ANXA4: variants seen among roughly 807,000 people sequenced by gnomAD.
The protein encoded by ANXA4 is annexin A4, also known as 35-beta calcimedin.
In ANXA4, 39 loss-of-function variants were observed where a neutral mutation model predicts 49.8. That is an observed-to-expected ratio of 0.78 (90% confidence interval 0.61 to 1.02). The LOEUF is 1.02. Ranked by LOEUF, ANXA4 falls within the 50% of genes least tolerant of loss-of-function variation. The pLI, the probability that ANXA4 is intolerant of heterozygous loss-of-function variation, is 0.00. For missense variants in ANXA4, 360 were observed against 410.1 expected (o/e 0.88, Z 1.05); for synonymous variants, 134 against 152.5 (o/e 0.88, Z 0.89).
chr2:69,686,010 G>T (rs371171550), intron 2 of ANXA4, among the ~76,000 whole-genome samples: 2 of 152,136 alleles, frequency 1.3e-5, no homozygotes, highest in Non-Finnish European at 2.9e-5. Context: ...AGATGCAGTA[G>T]ATGTGATTAA....
intron 4 of ANXA4, among the ~76,000 whole-genome samples, chr2:69,805,535 G>A (rs146286119): frequency 1.3e-5 from 2 of 151,860 alleles, no homozygotes; most frequent in African/African-American, 2.4e-5. Flanking sequence ...GAATCCAGGA[G>A]GCGGAGTCTG....
chr2:69,814,036 G>C (rs1290190468), intron 8 of ANXA4, among the ~76,000 whole-genome samples: 1 of 152,042 alleles, frequency 6.6e-6, no homozygotes, highest in Non-Finnish European at 1.5e-5. Context: ...GGGATTACAG[G>C]CATGAGCCAC....
intron 4 of ANXA4, among the ~76,000 whole-genome samples, chr2:69,805,529 C>T (rs1673411947): frequency 6.6e-6 from 1 of 151,758 alleles, no homozygotes; most frequent in Non-Finnish European, 1.5e-5. Context: ...TCGCTTGAAT[C>T]CAGGAGGCGG....
chr2:69,721,211 G>T (rs939865704), intron 3 of ANXA4, among the ~76,000 whole-genome samples: 1 of 152,216 alleles, frequency 6.6e-6, no homozygotes, highest in Non-Finnish European at 1.5e-5. Flanking sequence ...AAAGCCAGCT[G>T]CTGTTTTTCA....
chr2:69,810,705 T>G (rs1365506881), intron 7 of ANXA4, 32 bp downstream of exon 7: 1 of 1,570,352 alleles, frequency 6.4e-7, no homozygotes, highest in Non-Finnish European at 8.8e-7. Context: ...GGGGCGGGTT[T>G]TATCGAAATG....
chr2:69,809,261 T>G (rs1341765999), intron 6 of ANXA4: 3 of 152,146 alleles, frequency 2.0e-5, no homozygotes, highest in Non-Finnish European at 2.9e-5. Flanking sequence ...GTGTTACCTT[T>G]ATAGAAAGAA....
At chr2:69,745,287 G>A (rs765121792) in intron 1 of ANXA4, among the ~76,000 whole-genome samples, 6 of 152,230 alleles carry the variant, frequency 3.9e-5, no homozygotes, top group Middle Eastern at 6.8e-3. Flanking sequence ...TAGGCTGGGT[G>A]GCCTTGATGT....
At chr2:69,644,468 C>G (rs1158711675) in exon 1 of ANXA4, 1 of 152,232 alleles carries the variant, frequency 6.6e-6, no homozygotes, top group Non-Finnish European at 1.5e-5. Context: ...TCAAAAGCTG[C>G]TTTTGCGTCT....
chr2:69,803,962 A>T (rs1028395908), intron 3 of ANXA4, among the ~76,000 whole-genome samples: 7 of 151,906 alleles, frequency 4.6e-5, no homozygotes, highest in African/African-American at 1.7e-4. Context: ...ACATAGTGAA[A>T]CCCTGTCTCT....
intron 2 of ANXA4, among the ~76,000 whole-genome samples, chr2:69,673,396 C>T (rs1184074729): frequency 6.7e-6 from 1 of 150,042 alleles, no homozygotes; most frequent in Non-Finnish European, 1.5e-5. Flanking sequence ...AGCAAACTAA[C>T]ATGAGAACAG....
intron 3 of ANXA4, among the ~76,000 whole-genome samples, chr2:69,732,482 G>A (rs989521913): frequency 6.6e-6 from 1 of 151,754 alleles, no homozygotes; most frequent in African/African-American, 2.4e-5. Flanking sequence ...GTGTTGGCTG[G>A]GCGTGGTGGC....
intron 2 of ANXA4, among the ~76,000 whole-genome samples, chr2:69,708,335 A>G (rs1678564996): frequency 6.6e-6 from 1 of 152,206 alleles, no homozygotes; most frequent in African/African-American, 2.4e-5. Context: ...CTCTCTACGG[A>G]CACGACTAGC....
At chr2:69,819,120 A>G (rs566579510) in intron 10 of ANXA4, among the ~76,000 whole-genome samples, 160 bp from the exon 11 acceptor site, 1 of 152,380 alleles carries the variant, frequency 6.6e-6, no homozygotes, top group African/African-American at 2.4e-5. Context: ...GTGAAAATAC[A>G]TAGAGCATCG....
At chr2:69,706,292 C>CT (rs916740716) in intron 2 of ANXA4, among the ~76,000 whole-genome samples, 2,773 of 59,330 alleles carry the variant, frequency 0.047, 974 homozygotes, top group African/African-American at 0.074. Context: ...GGTACAATTC[C>CT]TTTTTTTTTT....
At chr2:69,674,814 G>A (rs1007585935) in intron 2 of ANXA4, among the ~76,000 whole-genome samples, 1 of 151,016 alleles carries the variant, frequency 6.6e-6, no homozygotes, top group South Asian at 2.1e-4. Context: ...CCTATTCTCT[G>A]TCATCCTCTT....
chr2:69,788,877 A>G (rs1216954658), intron 3 of ANXA4, among the ~76,000 whole-genome samples: 12 of 139,504 alleles, frequency 8.6e-5, no homozygotes, highest in African/African-American at 2.8e-4. Flanking sequence ...GAAGGGAAGA[A>G]GGAAGGAAAG....
intron 1 of ANXA4, among the ~76,000 whole-genome samples, chr2:69,746,286 A>G (rs1168454582): frequency 3.9e-5 from 6 of 152,306 alleles, no homozygotes; most frequent in African/African-American, 1.4e-4. Context: ...CTGGGATTAC[A>G]GATGTGAGCC....
At chr2:69,778,325 CA>C (rs1280846318) in intron 1 of ANXA4, among the ~76,000 whole-genome samples, 1 of 152,146 alleles carries the variant, frequency 6.6e-6, no homozygotes, top group Non-Finnish European at 1.5e-5. Flanking sequence ...TTAAAATTGT[CA>C]AAGGGTTTTA....
intron 2 of ANXA4, among the ~76,000 whole-genome samples, chr2:69,684,825 C>T (rs1677729094): frequency 6.6e-6 from 1 of 151,940 alleles, no homozygotes; most frequent in Non-Finnish European, 1.5e-5. Flanking sequence ...GACATTTTTT[C>T]TCCACATGTT....
Sources: allele counts gnomAD v4.1 joint callset (sites outside exome capture counted in the v4.1 genomes callset), GRCh38; gene constraint gnomAD v4.1.1; transcripts MANE v1.5; gene names NCBI Gene and HGNC (gene_info 2026-07-23, HGNC 2026-07-21).